The following STRN variants were observed in gnomAD, a reference collection of about 807,000 sequenced individuals.
STRN encodes protein phosphatase 2 regulatory subunit B'''alpha.
STRN carries 53 observed loss-of-function variants against 96.3 expected under a neutral mutation model. The observed-to-expected ratio is 0.55, with a 90% confidence interval of 0.44 to 0.69. STRN has a LOEUF of 0.69. Ranked by LOEUF, STRN falls within the 30% of genes least tolerant of loss-of-function variation. The probability of loss-of-function intolerance (pLI) is 0.00; values close to 1 mark genes in which losing one functional copy is unlikely to be tolerated. For synonymous variants in STRN, 428 were observed against 355.9 expected (o/e 1.20, Z -2.28); for missense variants, 987 against 963.9 (o/e 1.02, Z -0.32).
At chr2:36,871,222 G>A (rs931669898) in intron 10 of STRN, among the ~76,000 whole-genome samples, 2 of 152,166 alleles carry the variant, frequency 1.3e-5, no homozygotes, top group South Asian at 2.1e-4. Context: ...CAATGGTAGT[G>A]TACAGTAATG....
At chr2:36,879,463 T>G (rs540592778) in intron 9 of STRN, among the ~76,000 whole-genome samples, 1 of 152,348 alleles carries the variant, frequency 6.6e-6, no homozygotes, top group Non-Finnish European at 1.5e-5. Context: ...ACCTGAAATA[T>G]CCTATTTTGT....
chr2:36,886,691 T>C (rs1482982727), intron 8 of STRN, 25 bp downstream of exon 8: 1 of 1,565,880 alleles, frequency 6.4e-7, no homozygotes, highest in Non-Finnish European at 8.7e-7. Flanking sequence ...ATTTATGATT[T>C]ACAGATACAA....
intron 3 of STRN, among the ~76,000 whole-genome samples, chr2:36,913,626 T>C (rs1258806329): frequency 1.3e-5 from 2 of 152,218 alleles, no homozygotes; most frequent in Non-Finnish European, 2.9e-5. Context: ...CTATCTTCCC[T>C]ATAAAAATCC....
chr2:36,860,454 T>A (rs898697144), intron 13 of STRN, among the ~76,000 whole-genome samples: 1 of 152,216 alleles, frequency 6.6e-6, no homozygotes, highest in East Asian at 1.9e-4. Context: ...ATCCTTACTC[T>A]GGTTTGGTGG....
chr2:36,963,291 G>A (rs143171238), intron 1 of STRN, among the ~76,000 whole-genome samples: 1 of 152,164 alleles, frequency 6.6e-6, no homozygotes, highest in African/African-American at 2.4e-5. Flanking sequence ...ACAGGTTCTT[G>A]AAGAGGCAAA....
intron 1 of STRN, among the ~76,000 whole-genome samples, chr2:36,964,196 A>T (rs1165863269): frequency 7.6e-6 from 1 of 131,174 alleles, no homozygotes; most frequent in Non-Finnish European, 1.6e-5. Context: ...GGGGGGAAGG[A>T]TGGGTTGGAA....
intron 1 of STRN, among the ~76,000 whole-genome samples, chr2:36,944,546 C>T (rs1344036424): frequency 3.3e-5 from 5 of 152,142 alleles, no homozygotes; most frequent in African/African-American, 1.2e-4. Context: ...ATCCCAATGA[C>T]TTCATTTAAC....
At chr2:36,876,374 T>A (rs1157919248) in intron 10 of STRN, among the ~76,000 whole-genome samples, 1 of 151,994 alleles carries the variant, frequency 6.6e-6, no homozygotes, top group Non-Finnish European at 1.5e-5. Context: ...TAGCTCTGGC[T>A]AAGAAAAAAA....
chr2:36,936,795 A>G (rs568059090), intron 1 of STRN, among the ~76,000 whole-genome samples: 2 of 152,326 alleles, frequency 1.3e-5, no homozygotes, highest in Non-Finnish European at 2.9e-5. Flanking sequence ...TCTGAAACAG[A>G]TTACAGGCTT....
In STRN at chr2:36,954,671, G is replaced by A. The variant is rs562615390; in HGVS notation, c.234+11559C>T. On this transcript the variant is annotated intron_variant, in intron 1 of 17. Coordinates refer to ENST00000263918, the MANE Select transcript of STRN (RefSeq NM_003162.4). Reference sequence around the variant, plus strand: ...TTTTAGATGGAGTTTCACTCTTGTTGCCCAAGCTGGAGTGGAGTGAAATGG... The same window carrying A: ...TTTTAGATGGAGTTTCACTCTTGTTACCCAAGCTGGAGTGGAGTGAAATGG... Among the ~76,000 whole-genome samples the A allele has an allele frequency of 6.0e-5, 9 of 149,796 alleles. No homozygotes were observed. The East Asian group carries it at 1.8e-3, about 29-fold the overall frequency.
At chr2:36,898,826 T>C (rs1212540792) in intron 6 of STRN, among the ~76,000 whole-genome samples, 3 of 151,898 alleles carry the variant, frequency 2.0e-5, no homozygotes, top group East Asian at 3.9e-4. Flanking sequence ...AAGTGAAACA[T>C]GTCCTCATAT....
intron 11 of STRN, among the ~76,000 whole-genome samples, chr2:36,868,339 A>C (rs1253835176): frequency 6.6e-6 from 1 of 152,230 alleles, no homozygotes; most frequent in Non-Finnish European, 1.5e-5. Context: ...TCATGCACAT[A>C]GTAGGATATC....
At position 36,861,731 on chromosome 2, in the gene STRN, GCACACACACA is replaced by G. The variant is rs59999370; in HGVS notation, c.1548-488_1548-479del. On this transcript the variant is annotated intron_variant, in intron 12 of 17. Coordinates refer to ENST00000263918, the MANE Select transcript of STRN (RefSeq NM_003162.4). ...AAAAATGCAATGTATCATTGCGTGA[GCACACACACA>G]CACACACACACACACACACACACTT... Among the ~76,000 whole-genome samples, 696 of 150,546 alleles carry G rather than the reference GCACACACACA, an allele frequency of 4.6e-3. 3 individuals are homozygous for G. The highest frequency in any genetic ancestry group is 0.015 in the African/African-American group (620 of 41,006).
intron 1 of STRN, among the ~76,000 whole-genome samples, chr2:36,933,134 TTCAG>T (rs1670617037): frequency 6.6e-6 from 1 of 151,756 alleles, no homozygotes; most frequent in South Asian, 2.1e-4. Context: ...CACCTGCAGA[TTCAG>T]TCAACCATCT....
At chr2:36,940,871 G>C (rs1207648949) in intron 1 of STRN, among the ~76,000 whole-genome samples, 1 of 146,894 alleles carries the variant, frequency 6.8e-6, no homozygotes, top group Non-Finnish European at 1.5e-5. Flanking sequence ...AAGTAAATTA[G>C]GCTGGGCACA....
intron 2 of STRN, among the ~76,000 whole-genome samples, chr2:36,919,640 T>TTTTAAATATTTTA: frequency 6.6e-6 from 1 of 152,316 alleles, no homozygotes; most frequent in South Asian, 2.1e-4. Context: ...AACACGGATA[T>TTTTAAATATTTTA]AACAGAATTA....
At chr2:36,915,973 T>G (rs1670086978) in intron 3 of STRN, 105 bp downstream of exon 3, 1 of 1,002,856 alleles carries the variant, frequency 1.0e-6, no homozygotes, top group Non-Finnish European at 1.5e-6. Flanking sequence ...AAAAAATAAC[T>G]AATACACAAA....
intron 1 of STRN, among the ~76,000 whole-genome samples, chr2:36,952,816 T>G (rs1296745130): frequency 6.6e-6 from 1 of 152,262 alleles, no homozygotes; most frequent in African/African-American, 2.4e-5. Flanking sequence ...CTGACCCAGA[T>G]CACAGGCTCC....
chr2:36,872,136 T>C (rs1237499242), intron 10 of STRN, among the ~76,000 whole-genome samples: 3 of 152,242 alleles, frequency 2.0e-5, no homozygotes, highest in South Asian at 2.1e-4. Context: ...GTAAACCTTA[T>C]ATAGTTTCCT....
Sources: gnomAD v4.1 joint callset for allele counts (sites outside exome capture counted in the v4.1 genomes callset) on GRCh38, gnomAD v4.1.1 for gene constraint, MANE v1.5 for transcripts, NCBI Gene and HGNC (gene_info 2026-07-23, HGNC 2026-07-21) for gene names.